Variants in LAMB1 observed in about 807,000 individuals in gnomAD.
The protein encoded by LAMB1 is laminin subunit beta-1.
Under a neutral mutation model 222.3 loss-of-function variants are expected in LAMB1, and 121 were observed. The observed-to-expected ratio is 0.54, with a 90% CI of 0.47 to 0.63. LAMB1 has a LOEUF of 0.63. Ranked by LOEUF, LAMB1 falls within the 30% of genes least tolerant of loss-of-function variation. The probability of loss-of-function intolerance (pLI) is 0.00; values close to 1 mark genes in which losing one functional copy is unlikely to be tolerated. For missense variants in LAMB1, 2,172 were observed against 2,240.8 expected (o/e 0.97, Z 0.62); for synonymous variants, 794 against 807.2 (o/e 0.98, Z 0.28).
At position 107,935,347 on chromosome 7, in the gene LAMB1, G is replaced by GTTTT. The variant is rs200599445; in HGVS notation, c.4188+64_4188+67dup. ...GACAAAAGATGGTTTGTTTTTCTTT[G>GTTTT]TTTTTTTTTTTTTTTTTTTTTTTTT... On this transcript the variant is annotated intron_variant, in intron 27 of 33. Coordinates refer to ENST00000222399, the MANE Select transcript of LAMB1 (RefSeq NM_002291.3). The GTTTT allele has an allele frequency of 1.8e-5, 21 of 1,173,244 alleles. 2 individuals are homozygous for GTTTT. Among genetic ancestry groups the GTTTT allele is most frequent in the South Asian group, 2.9e-5 (2 of 68,050 alleles). 72.7% of individuals were successfully genotyped at this position (1,173,244 alleles called of 1,614,324 possible). A position where few individuals can be genotyped will look rare whatever the true frequency, so the allele number is the denominator to read the frequency against.
At chr7:107,965,736 C>T (rs1025087556) in intron 13 of LAMB1, among the ~76,000 whole-genome samples, 3 of 151,952 alleles carry the variant, frequency 2.0e-5, no homozygotes, top group Admixed American at 2.0e-4. Flanking sequence ...TTTCTCATCC[C>T]AAAGTTTTAA....
intron 5 of LAMB1, among the ~76,000 whole-genome samples, chr7:107,989,998 A>G (rs541777856): frequency 6.6e-6 from 1 of 151,564 alleles, no homozygotes; most frequent in Non-Finnish European, 1.5e-5. Context: ...CCAAATTTAT[A>G]ATAAACAAAA....
Position 107,952,114 on chromosome 7 carries a change from C to A in LAMB1, c.3189G>T (p.Gln1063His). ...TATTGGGCGCACAGCGGTCACAGTT[C>A]TGCCCGATCACATTAGGAAGACACA... ...QCLCLPNVIG[Q>H]NCDRCAPNTW... Residue 1063 changes from glutamine (Q) to histidine (H), a missense_variant, in exon 23 of 34, where the codon CAG (glutamine) becomes CAT (histidine). By Grantham distance (24) the Gln-to-His change is conservative. Coordinates refer to ENST00000222399, the MANE Select transcript of LAMB1 (RefSeq NM_002291.3). The A allele has an allele frequency of 6.2e-7, 1 of 1,614,118 alleles. No individual in the cohort carries two copies. The highest frequency in any genetic ancestry group is 1.3e-5 in the African/African-American group (1 of 75,072).
chr7:107,955,388 CT>C (rs1401072529), intron 21 of LAMB1, 78 bp downstream of exon 21: 6 of 1,306,010 alleles, frequency 4.6e-6, no homozygotes, highest in Non-Finnish European at 5.2e-6. Flanking sequence ...CACTTTGCAT[CT>C]TTTTTTCTCA....
At chr7:107,991,593 A>G (rs1477958816) in intron 5 of LAMB1, among the ~76,000 whole-genome samples, 3 of 151,762 alleles carry the variant, frequency 2.0e-5, no homozygotes, top group Non-Finnish European at 2.9e-5. Flanking sequence ...ATCCTCAAAA[A>G]AAAAAAAAAA....
At chr7:107,929,315 A>T in intron 30 of LAMB1, 97 bp downstream of exon 30, 1 of 1,498,314 alleles carries the variant, frequency 6.7e-7, no homozygotes, top group Non-Finnish European at 9.3e-7. Flanking sequence ...AGAGACTCGC[A>T]TAGGTCCTTC....
At chr7:108,002,752 G>T in intron 2 of LAMB1, 97 bp downstream of exon 2, 1 of 1,526,664 alleles carries the variant, frequency 6.6e-7, no homozygotes, top group Non-Finnish European at 9.0e-7. Context: ...CCTCTCCCAA[G>T]CCCCCAGGAT....
intron 7 of LAMB1, among the ~76,000 whole-genome samples, chr7:107,981,403 G>C (rs1373181176): frequency 6.6e-6 from 1 of 151,054 alleles, no homozygotes; most frequent in East Asian, 1.9e-4. Flanking sequence ...AGCCGAGATT[G>C]TGCCATTGCA....
In LAMB1 at chr7:107,932,371, C is replaced by G; in HGVS notation, c.4195G>C (p.Gly1399Arg). The G allele has an allele frequency of 6.2e-7, 1 of 1,614,168 alleles. No individual in the cohort carries two copies. Among genetic ancestry groups the G allele is most frequent in the Non-Finnish European group, 8.5e-7 (1 of 1,180,014 alleles). The change falls in exon 28 of 34, where the codon GGA becomes CGA. Residue 1399 changes from glycine (G) to arginine (R), a missense_variant. Coordinates refer to ENST00000222399, the MANE Select transcript of LAMB1 (RefSeq NM_002291.3). ...DLSAAAEMTC[G>R]TPPGASCSET... ...GAACAGGAGGCCCCTGGGGGTGTTC[C>G]ACAGGTCTGCAACAAGCCAAGGATC... is the stretch of plus-strand genomic sequence containing the variant.
chr7:107,992,633 C>T (rs1034495412), intron 5 of LAMB1, among the ~76,000 whole-genome samples: 2 of 152,296 alleles, frequency 1.3e-5, no homozygotes, highest in East Asian at 1.9e-4. Context: ...GCGGTAGGCA[C>T]GCCTGTAATC....
At chr7:107,975,979 A>C in intron 9 of LAMB1, 102 bp from the exon 10 acceptor site, 1 of 986,254 alleles carries the variant, frequency 1.0e-6, no homozygotes, top group South Asian at 1.7e-5. Context: ...GACTAAGTTC[A>C]GACAAAATGG....
At position 107,940,133 on chromosome 7, in the gene LAMB1, G is replaced by A; in HGVS notation, c.3617C>T (p.Ala1206Val). 1 of 1,614,054 alleles carries A rather than the reference G, an allele frequency of 6.2e-7. No individual in the cohort carries two copies. The highest frequency in any genetic ancestry group is 8.5e-7 in the Non-Finnish European group (1 of 1,180,014). Residue 1206 changes from alanine (A) to valine (V), a missense_variant, in exon 25 of 34, where the codon GCC (alanine) becomes GTC (valine). Transcript: ENST00000222399. ...RTHRFLEKAK[A>V]LKISGVIGPY... ...CCCGATCACACCACTGATCTTCAAG[G>A]CCTTGGCTTTCTCCAGGAATCTGTG...
intron 18 of LAMB1, 24 bp from the exon 19 acceptor site, chr7:107,959,858 C>A: frequency 6.2e-7 from 1 of 1,606,962 alleles, no homozygotes; most frequent in Non-Finnish European, 8.5e-7. Context: ...GAGGCCAGAA[C>A]CCATGACACG....
At chr7:107,950,625 C>G (rs981063866) in intron 24 of LAMB1, among the ~76,000 whole-genome samples, 1 of 152,168 alleles carries the variant, frequency 6.6e-6, no homozygotes, top group Admixed American at 6.5e-5. Flanking sequence ...CTTGGAGCCC[C>G]TGACCTTGGA....
chr7:107,932,423 T>C lies in LAMB1; in HGVS notation c.4189-46A>G, dbSNP rs1371093049. ...GGCACAATACTTCGGATAGTGAATC[T>C]GCTGCAGCAAAACAGCTGTGCAGGG... On this transcript the variant is annotated intron_variant, in intron 27 of 33. Transcript: ENST00000222399. 6 of 1,595,444 alleles carry C rather than the reference T, an allele frequency of 3.8e-6. No homozygotes were observed. In the Admixed American group the frequency reaches 1.0e-4, roughly 27 times the overall value.
At chr7:107,994,513 C>T (rs1563009653) in intron 5 of LAMB1, among the ~76,000 whole-genome samples, 1 of 152,156 alleles carries the variant, frequency 6.6e-6, no homozygotes, top group Non-Finnish European at 1.5e-5. Flanking sequence ...AACACACTTC[C>T]TTTCCAGTTA....
At position 107,935,587 on chromosome 7, in the gene LAMB1, G is replaced by T; in HGVS notation, c.4016C>A (p.Thr1339Asn). Reference sequence around the variant, plus strand: ...CTCCACAGTGCTGTTGGGTTCTGTGGTGGAGGCATTCACCCTCTCCTCTGC... The same window carrying T: ...CTCCACAGTGCTGTTGGGTTCTGTGTTGGAGGCATTCACCCTCTCCTCTGC... ...LEAEERVNASTTEPNSTVEQS... is the reference protein window; with the variant it reads ...LEAEERVNASNTEPNSTVEQS... Residue 1339 changes from threonine to asparagine, a missense_variant, in exon 27 of 34, where the codon ACC (threonine) becomes AAC (asparagine). Thr to Asn is a moderately conservative substitution (Grantham distance 65, BLOSUM62 0). Coordinates refer to ENST00000222399, the MANE Select transcript of LAMB1 (RefSeq NM_002291.3). 1 of 1,613,892 alleles carries T rather than the reference G, an allele frequency of 6.2e-7. No homozygotes were observed. Among genetic ancestry groups the T allele is most frequent in the Non-Finnish European group, 8.5e-7 (1 of 1,179,982 alleles).
At chr7:107,928,551 GGT>G (rs1320070166) in intron 31 of LAMB1, among the ~76,000 whole-genome samples, 2 of 151,342 alleles carry the variant, frequency 1.3e-5, no homozygotes, top group African/African-American at 4.9e-5. Flanking sequence ...GGAGTACAGT[GGT>G]GTGATCTCAG....
chr7:107,965,088 G>A (rs79100960), intron 13 of LAMB1, among the ~76,000 whole-genome samples: 2,043 of 152,270 alleles, frequency 0.013, 51 homozygotes, highest in African/African-American at 0.046. Flanking sequence ...ACGGATCTAA[G>A]ACAGAAGCCC....
Sources: gnomAD v4.1 joint callset for allele counts (sites outside exome capture counted in the v4.1 genomes callset) on GRCh38, gnomAD v4.1.1 for gene constraint, MANE v1.5 for transcripts, NCBI Gene and HGNC (gene_info 2026-07-23, HGNC 2026-07-21) for gene names.